PIGK: variants seen among roughly 807,000 people sequenced by gnomAD.
PIGK encodes phosphatidylinositol glycan anchor biosynthesis class K.
Under a neutral mutation model 50.6 loss-of-function variants are expected in PIGK, and 42 were observed. The ratio of observed to expected loss-of-function variants is 0.83; its 90% CI spans 0.65 to 1.07. The LOEUF (loss-of-function observed/expected upper bound fraction) is 1.07. PIGK is among the 50% of genes least tolerant of loss of function. The pLI, the probability that PIGK is intolerant of heterozygous loss-of-function variation, is 0.00. For missense variants in PIGK, 448 were observed against 488.7 expected, an observed-to-expected ratio of 0.92 and a Z score of 0.78; for synonymous variants, 151 against 156.0, an observed-to-expected ratio of 0.97 and a Z score of 0.24.
At chr1:77,102,008 C>CA (rs1399297784) in intron 10 of PIGK, among the ~76,000 whole-genome samples, 5 of 151,626 alleles carry the variant, frequency 3.3e-5, no homozygotes, top group South Asian at 2.1e-4. Flanking sequence ...ATCTCACACA[C>CA]AAAAAAAATT....
intron 3 of PIGK, among the ~76,000 whole-genome samples, chr1:77,201,944 G>A (rs1318252298): frequency 6.6e-6 from 1 of 151,814 alleles, no homozygotes; most frequent in Non-Finnish European, 1.5e-5. Context: ...TGTAGTTCCA[G>A]CTACTTGGGA....
chr1:77,096,898 G>A (rs58736597), intron 10 of PIGK, among the ~76,000 whole-genome samples: 1 of 92,132 alleles, frequency 1.1e-5, no homozygotes, highest in Non-Finnish European at 2.4e-5. Context: ...TTTTTTTTTT[G>A]TTTTTTTGTT....
At chr1:77,209,299 GAA>G (rs1171250552) in intron 2 of PIGK, among the ~76,000 whole-genome samples, 1 of 151,886 alleles carries the variant, frequency 6.6e-6, no homozygotes, top group Non-Finnish European at 1.5e-5. Context: ...TTGATTATGT[GAA>G]TTCTGTTTGA....
At chr1:77,098,610 A>C (rs573624846) in intron 10 of PIGK, among the ~76,000 whole-genome samples, 1 of 152,296 alleles carries the variant, frequency 6.6e-6, no homozygotes, top group African/African-American at 2.4e-5. Context: ...AAGTGTTAGG[A>C]TTACCAGGGT....
At chr1:77,173,919 C>T (rs1178676547) in intron 3 of PIGK, among the ~76,000 whole-genome samples, 1 of 152,206 alleles carries the variant, frequency 6.6e-6, no homozygotes, top group Non-Finnish European at 1.5e-5. Flanking sequence ...CTCCACCTTC[C>T]AGGGAAAAGG....
chr1:77,218,023 A>G (rs988906786), intron 1 of PIGK, among the ~76,000 whole-genome samples: 33 of 152,218 alleles, frequency 2.2e-4, no homozygotes, highest in African/African-American at 8.0e-4. Context: ...CATCAAATAT[A>G]TAAATTAACA....
At chr1:77,131,856 C>A (rs1654377969) in intron 9 of PIGK, among the ~76,000 whole-genome samples, 1 of 151,974 alleles carries the variant, frequency 6.6e-6, no homozygotes, top group Non-Finnish European at 1.5e-5. Context: ...TTTCTTCATT[C>A]TCTCTGTCTT....
chr1:77,094,839 G>A (rs910543841), intron 10 of PIGK, among the ~76,000 whole-genome samples: 1 of 152,106 alleles, frequency 6.6e-6, no homozygotes, highest in African/African-American at 2.4e-5. Flanking sequence ...CTCCTTGACA[G>A]GTATGTGTTT....
At position 77,122,320 on chromosome 1, in the gene PIGK, A is replaced by G; in HGVS notation, c.1026T>C (p.Pro342=). Residue 342 remains proline (P), a synonymous_variant, in exon 10 of 11, where the codon CCT becomes CCC. Transcript: ENST00000370812. The part of the protein sequence containing the change: ...EDQMDEKLME[P]LKYAEQLPVA... Reference sequence around the variant, plus strand: ...CAGGAAGTTGTTCAGCATATTTCAGAGGTTCCATTAGTTTCTCATCCATCT... The same window carrying G: ...CAGGAAGTTGTTCAGCATATTTCAGGGGTTCCATTAGTTTCTCATCCATCT... 1 of 1,607,042 alleles carries G rather than the reference A, an allele frequency of 6.2e-7. No individual in the cohort carries two copies. The highest frequency in any genetic ancestry group is 8.5e-7 in the Non-Finnish European group (1 of 1,173,944).
At chr1:77,153,076 C>T (rs1300576286) in intron 9 of PIGK, among the ~76,000 whole-genome samples, 1 of 152,100 alleles carries the variant, frequency 6.6e-6, no homozygotes, top group Non-Finnish European at 1.5e-5. Flanking sequence ...ATGTCTATTG[C>T]AGCAGTATTC....
At chr1:77,207,506 T>C (rs925528814) in intron 2 of PIGK, among the ~76,000 whole-genome samples, 7 of 152,186 alleles carry the variant, frequency 4.6e-5, no homozygotes, top group African/African-American at 1.2e-4. Flanking sequence ...TATAAAACAG[T>C]TGTAAATGTA....
intron 9 of PIGK, among the ~76,000 whole-genome samples, chr1:77,149,635 G>A (rs575908757): frequency 1.9e-4 from 29 of 152,186 alleles, no homozygotes; most frequent in African/African-American, 7.0e-4. Flanking sequence ...GAGGCAAACT[G>A]TAATACAATA....
chr1:77,150,585 A>T (rs934194458), intron 9 of PIGK, among the ~76,000 whole-genome samples: 11 of 151,892 alleles, frequency 7.2e-5, no homozygotes, highest in African/African-American at 2.4e-4. Flanking sequence ...TTGAAAATAT[A>T]AAATTGACAA....
At chr1:77,134,986 C>T (rs545936019) in intron 9 of PIGK, among the ~76,000 whole-genome samples, 5 of 152,124 alleles carry the variant, frequency 3.3e-5, no homozygotes, top group Admixed American at 6.5e-5. Flanking sequence ...AAAAAAAATG[C>T]TCCTCAAGAT....
chr1:77,210,785 G>T (rs1656400909), intron 1 of PIGK, among the ~76,000 whole-genome samples: 1 of 152,000 alleles, frequency 6.6e-6, no homozygotes, highest in Admixed American at 6.6e-5. Context: ...CCTCCCTGGA[G>T]ACTCAGTTTC....
chr1:77,184,401 TCCCCTTGAGGAAGGACCCCACTACATAA>T (rs1655693815), intron 3 of PIGK, among the ~76,000 whole-genome samples: 1 of 152,006 alleles, frequency 6.6e-6, no homozygotes, highest in Non-Finnish European at 1.5e-5. Flanking sequence ...GGAGGTCAGG[TCCCCTTGAGGAAGGACCCCACTACATAA>T]CCAACAGCTT....
Position 77,122,344 on chromosome 1 carries a change from C to G in PIGK, c.1002G>C (p.Gln334His). 6.3e-7 allele frequency: 1 copy of G among 1,598,062 alleles called. No homozygotes were observed. Among genetic ancestry groups the G allele is most frequent in the Non-Finnish European group, 8.6e-7 (1 of 1,166,082 alleles). ...GAGGTTCCATTAGTTTCTCATCCAT[C>G]TGGTCTTCCTTATAGCTGGAAAAGA... ...EIMESSYKED[Q>H]MDEKLMEPLK... Residue 334 changes from glutamine (Q) to histidine (H), a missense_variant, in exon 10 of 11, where the codon CAG becomes CAC. Gln to His is a conservative substitution (Grantham distance 24, BLOSUM62 0). Transcript: ENST00000370812.
chr1:77,167,176 A>G (rs1655252900), intron 4 of PIGK, among the ~76,000 whole-genome samples: 1 of 152,056 alleles, frequency 6.6e-6, no homozygotes, highest in Non-Finnish European at 1.5e-5. Flanking sequence ...CCCCATTTCT[A>G]TGCACACACA....
intron 8 of PIGK, among the ~76,000 whole-genome samples, chr1:77,155,081 A>G (rs1654980389): frequency 6.6e-6 from 1 of 152,212 alleles, no homozygotes; most frequent in Admixed American, 6.5e-5. Flanking sequence ...CAATATGTAA[A>G]AAACATTTAA....
Sources: gnomAD v4.1 joint callset for allele counts (sites outside exome capture counted in the v4.1 genomes callset) on GRCh38, gnomAD v4.1.1 for gene constraint, MANE v1.5 for transcripts, NCBI Gene and HGNC (gene_info 2026-07-23, HGNC 2026-07-21) for gene names.